ZFHX3: variants seen among roughly 807,000 people sequenced by gnomAD.
ZFHX3 encodes zinc finger homeobox protein 3.
ZFHX3 carries 42 observed loss-of-function variants against 279.1 expected under a neutral mutation model. That is an observed-to-expected ratio of 0.15 (90% CI 0.12 to 0.19). The LOEUF is 0.19. ZFHX3 is among the 10% of genes least tolerant of loss of function. The pLI, the probability that ZFHX3 is intolerant of heterozygous loss-of-function variation, is 1.00. For synonymous variants in ZFHX3, 2,293 were observed against 1,957.8 expected (o/e 1.17, Z -4.52); for missense variants, 4,981 against 4,754.0 (o/e 1.05, Z -1.40).
chr16:73,695,889 G>T (rs12102845), intron 1 of ZFHX3, among the ~76,000 whole-genome samples: 1 of 151,916 alleles, frequency 6.6e-6, no homozygotes, highest in Admixed American at 6.6e-5. Flanking sequence ...ACTCAGCTGC[G>T]TAAGGGGCCC....
At chr16:73,396,172 G>A (rs977156471) in intron 3 of ZFHX3, among the ~76,000 whole-genome samples, 27 of 152,164 alleles carry the variant, frequency 1.8e-4, no homozygotes, top group Admixed American at 3.3e-4. Flanking sequence ...GCCTCCCGGC[G>A]GGCATCTTTC....
chr16:73,626,153 G>T (rs1016776705), intron 2 of ZFHX3, among the ~76,000 whole-genome samples: 11 of 152,158 alleles, frequency 7.2e-5, no homozygotes, highest in African/African-American at 2.7e-4. Flanking sequence ...ACCACGCCCG[G>T]CCGAAATAAA....
chr16:73,867,909 A>C (rs770859679), intron 1 of ZFHX3, among the ~76,000 whole-genome samples: 13 of 152,170 alleles, frequency 8.5e-5, no homozygotes, highest in Non-Finnish European at 1.9e-4. Context: ...CTTGAACACA[A>C]GAACAGTGAG....
intron 3 of ZFHX3, among the ~76,000 whole-genome samples, chr16:73,426,990 T>C (rs2017821546): frequency 6.6e-6 from 1 of 152,138 alleles, no homozygotes; most frequent in African/African-American, 2.4e-5. Context: ...TGGCCTGCAC[T>C]TGCTACCCTG....
At chr16:73,802,650 T>G (rs779701728) in intron 1 of ZFHX3, among the ~76,000 whole-genome samples, 1 of 152,266 alleles carries the variant, frequency 6.6e-6, no homozygotes, top group East Asian at 1.9e-4. Flanking sequence ...AGGCACAAAG[T>G]ACTAGAAATG....
intron 3 of ZFHX3, among the ~76,000 whole-genome samples, chr16:73,359,181 G>GTTT (rs55639015): frequency 6.9e-6 from 1 of 145,800 alleles, no homozygotes; most frequent in African/African-American, 2.6e-5. Context: ...TTTAGAAGAG[G>GTTT]TTTTTTTTTT....
At chr16:73,673,031 T>A (rs1461326746) in intron 2 of ZFHX3, among the ~76,000 whole-genome samples, 1 of 152,158 alleles carries the variant, frequency 6.6e-6, no homozygotes, top group Non-Finnish European at 1.5e-5. Flanking sequence ...TGAAAATTTG[T>A]CACTCCCATC....
chr16:73,225,551 C>T (rs940980730), intron 5 of ZFHX3, among the ~76,000 whole-genome samples: 2 of 152,114 alleles, frequency 1.3e-5, no homozygotes, highest in Non-Finnish European at 2.9e-5. Flanking sequence ...GATCACACAA[C>T]TGCCTTCCAG....
At chr16:73,653,926 T>G (rs1457028615) in intron 2 of ZFHX3, among the ~76,000 whole-genome samples, 1 of 152,166 alleles carries the variant, frequency 6.6e-6, no homozygotes, top group East Asian at 1.9e-4. Context: ...GGCTCACGCC[T>G]GTAATCCCAG....
At chr16:73,179,770 A>G (rs1567411326) in intron 5 of ZFHX3, among the ~76,000 whole-genome samples, 1 of 152,176 alleles carries the variant, frequency 6.6e-6, no homozygotes, top group Non-Finnish European at 1.5e-5. Context: ...ACTGGGCCCT[A>G]TCAGTCTGTG....
At chr16:73,292,978 T>C (rs550223960) in intron 4 of ZFHX3, among the ~76,000 whole-genome samples, 21 of 152,338 alleles carry the variant, frequency 1.4e-4, no homozygotes, top group African/African-American at 4.8e-4. Context: ...GATTCAGAGA[T>C]GGCATCTACC....
chr16:72,944,266 C>T (rs1417684061), intron 3 of ZFHX3, among the ~76,000 whole-genome samples: 1 of 152,174 alleles, frequency 6.6e-6, no homozygotes, highest in Non-Finnish European at 1.5e-5. Context: ...ATGTGAGCGA[C>T]AGAGTGAGAC....
chr16:73,836,980 C>G (rs1463051362), intron 1 of ZFHX3, among the ~76,000 whole-genome samples: 1 of 152,240 alleles, frequency 6.6e-6, no homozygotes, highest in Non-Finnish European at 1.5e-5. Context: ...GAGACCTTCA[C>G]CAGAAGCTGA....
chr16:73,649,244 A>G (rs34655378), intron 2 of ZFHX3, among the ~76,000 whole-genome samples: 18,413 of 152,116 alleles, frequency 0.12, 1,369 homozygotes, highest in African/African-American at 0.2. Flanking sequence ...CATTATACTC[A>G]TTTTTCCCAA....
rs182603910 is a variant in ZFHX3 at position 73,185,680 on chromosome 16, A to G, written c.-1103-41849T>C. Among the ~76,000 whole-genome samples the G allele has an allele frequency of 3.3e-3, 502 of 152,322 alleles. 6 individuals carry two copies. The highest frequency in any genetic ancestry group is 0.011 in the African/African-American group (457 of 41,580). ...CTAATGAATTTTTGTAATGTATTAAAAATAGCTGAATGCAGGACAATTTGG... is the reference window on the plus strand; with the variant it reads ...CTAATGAATTTTTGTAATGTATTAAGAATAGCTGAATGCAGGACAATTTGG... On this transcript the variant is annotated intron_variant, in intron 5 of 17. Coordinates refer to the ZFHX3 transcript ENST00000641206.
intron 1 of ZFHX3, among the ~76,000 whole-genome samples, chr16:72,980,611 A>C (rs1358030932): frequency 2.1e-5 from 3 of 144,174 alleles, no homozygotes; most frequent in Non-Finnish European, 4.6e-5. Context: ...GTTAAAAAAA[A>C]AAAAACAAAA....
intron 2 of ZFHX3, among the ~76,000 whole-genome samples, chr16:73,521,173 T>C (rs1009570110): frequency 6.6e-6 from 1 of 152,038 alleles, no homozygotes; most frequent in African/African-American, 2.4e-5. Context: ...TTGTGGCTGG[T>C]TGGTTAGTTG....
At chr16:73,543,064 C>A (rs1236424020) in intron 2 of ZFHX3, among the ~76,000 whole-genome samples, 1 of 152,186 alleles carries the variant, frequency 6.6e-6, no homozygotes, top group Non-Finnish European at 1.5e-5. Context: ...CACAGGCGAT[C>A]CTGAATCACC....
intron 1 of ZFHX3, among the ~76,000 whole-genome samples, chr16:72,983,101 A>G (rs1159485292): frequency 2.0e-5 from 3 of 152,050 alleles, no homozygotes; most frequent in Non-Finnish European, 4.4e-5. Context: ...TATGGGTGTG[A>G]GCAGTTTCTT....
Sources: allele counts gnomAD v4.1 joint callset (sites outside exome capture counted in the v4.1 genomes callset), GRCh38; gene constraint gnomAD v4.1.1; transcripts MANE v1.5; gene names NCBI Gene and HGNC (gene_info 2026-07-23, HGNC 2026-07-21).